The following PCDHA8 variants were observed in gnomAD, a reference collection of about 807,000 sequenced individuals.
PCDHA8 encodes protocadherin alpha 8.
PCDHA8 carries 53 observed loss-of-function variants against 61.8 expected under a neutral mutation model. The ratio of observed to expected loss-of-function variants is 0.86; its 90% CI spans 0.69 to 1.08. The LOEUF (loss-of-function observed/expected upper bound fraction) is 1.08, where lower values mean the gene tolerates loss of function less well. PCDHA8 is among the 50% of genes least tolerant of loss of function. The probability of loss-of-function intolerance (pLI) is 0.00; values close to 1 mark genes in which losing one functional copy is unlikely to be tolerated. For synonymous variants in PCDHA8, 618 were observed against 556.6 expected (o/e 1.11, Z -1.55); for missense variants, 1,293 against 1,245.0 (o/e 1.04, Z -0.58).
At chr5:140,962,841 A>G (rs1298725922) in intron 1 of PCDHA8, among the ~76,000 whole-genome samples, 3 of 152,210 alleles carry the variant, frequency 2.0e-5, no homozygotes, top group African/African-American at 7.2e-5. Flanking sequence ...TTTTTATTAT[A>G]TAACTTGTGC....
At chr5:140,880,045 G>A (rs1345443297) in intron 1 of PCDHA8, among the ~76,000 whole-genome samples, 2 of 152,164 alleles carry the variant, frequency 1.3e-5, no homozygotes, top group Admixed American at 6.5e-5. Flanking sequence ...GGATTAAGAT[G>A]TGGGCATAAC....
chr5:140,851,923 T>G, intron 1 of PCDHA8: 1 of 967,860 alleles, frequency 1.0e-6, no homozygotes, highest in Non-Finnish European at 1.2e-6. Flanking sequence ...CATGTTATGT[T>G]TCCTGAATTG....
At chr5:140,962,786 A>G (rs1377248587) in intron 1 of PCDHA8, among the ~76,000 whole-genome samples, 6 of 152,216 alleles carry the variant, frequency 3.9e-5, no homozygotes, top group African/African-American at 1.4e-4. Context: ...ATTTTTAAAA[A>G]CTACTTTGGA....
intron 3 of PCDHA8, among the ~76,000 whole-genome samples, chr5:140,985,739 CTT>C (rs11372071): frequency 4.2e-4 from 50 of 117,920 alleles, no homozygotes; most frequent in Middle Eastern, 4.8e-3. Context: ...TGATGAATTC[CTT>C]TTTTTTTTTT....
chr5:140,843,324 C>G lies in PCDHA8; in HGVS notation c.2003C>G (p.Ser668Trp), dbSNP rs1251515111. Residue 668 changes from serine to tryptophan, a missense_variant, in exon 1 of 4, where the codon TCG (serine) becomes TGG (tryptophan). Physicochemically the swap from Ser to Trp is radical, Grantham distance 177. Coordinates refer to ENST00000531613, the MANE Select transcript of PCDHA8 (RefSeq NM_018911.3). ...ALTATATVLV[S>W]LVESGQAPKA... ...ACCGCCACGGCCACGGTTCTGGTGT[C>G]GCTGGTGGAGAGCGGCCAGGCTCCA... is the stretch of plus-strand genomic sequence containing the variant. 5.6e-6 allele frequency: 9 copies of G among 1,595,896 alleles called. 3 individuals carry two copies. The highest frequency in any genetic ancestry group is 3.4e-5 in the Admixed American group (2 of 59,276).
intron 1 of PCDHA8, among the ~76,000 whole-genome samples, chr5:140,873,542 T>C (rs2054341425): frequency 6.6e-6 from 1 of 152,130 alleles, no homozygotes; most frequent in Non-Finnish European, 1.5e-5. Context: ...GGTATAAAAT[T>C]ATAATTTCAA....
intron 1 of PCDHA8, among the ~76,000 whole-genome samples, chr5:140,951,315 C>T (rs782114634): frequency 6.6e-6 from 1 of 151,988 alleles, no homozygotes. Context: ...ATGTGTTATT[C>T]TTGAGATTCA....
At chr5:140,983,807 G>GT (rs1418454252) in intron 3 of PCDHA8, among the ~76,000 whole-genome samples, 1 of 152,100 alleles carries the variant, frequency 6.6e-6, no homozygotes, top group East Asian at 1.9e-4. Flanking sequence ...TGTGTAAAAG[G>GT]TTTTTTCCCA....
intron 1 of PCDHA8, among the ~76,000 whole-genome samples, chr5:140,953,252 T>C (rs557973424): frequency 3.3e-5 from 5 of 152,318 alleles, no homozygotes; most frequent in Admixed American, 1.3e-4. Context: ...TTCAGTTTAG[T>C]TCTTTTAGCT....
At chr5:140,994,248 G>A (rs188394827) in intron 3 of PCDHA8, among the ~76,000 whole-genome samples, 1 of 152,238 alleles carries the variant, frequency 6.6e-6, no homozygotes, top group East Asian at 1.9e-4. Flanking sequence ...TCAAACCCTA[G>A]GTAAATAAGG....
rs782547925 is a variant in PCDHA8, at chr5:140,967,973, G to A, written c.2395-10976G>A. 4 of 1,614,170 alleles carry A rather than the reference G, an allele frequency of 2.5e-6. No individual in the cohort carries two copies. In the African/African-American group the frequency reaches 4.0e-5, roughly 16 times the overall value. On this transcript the variant is annotated intron_variant, in intron 1 of 3. Coordinates refer to ENST00000531613, the MANE Select transcript of PCDHA8 (RefSeq NM_018911.3). ...AGGCCCCAACCGGAAAGTGAGCCTG[G>A]GTCTGGAGGCCACACTGCCTTTCCG... is the stretch of plus-strand genomic sequence containing the variant.
chr5:140,871,130 A>T, intron 1 of PCDHA8: 1 of 1,613,360 alleles, frequency 6.2e-7, no homozygotes, highest in Non-Finnish European at 8.5e-7. Context: ...CAGGCGCCAA[A>T]GGCCTCTTCC....
intron 1 of PCDHA8, among the ~76,000 whole-genome samples, chr5:140,978,417 A>G (rs2096800848): frequency 6.6e-6 from 1 of 152,158 alleles, no homozygotes. Context: ...CAGAAAAGAG[A>G]CTGTTATCAG....
chr5:140,977,514 A>G (rs1554238605), intron 1 of PCDHA8, among the ~76,000 whole-genome samples: 13 of 152,216 alleles, frequency 8.5e-5, no homozygotes. Context: ...CATTTTGTGA[A>G]CTTGAAAACA....
chr5:140,938,485 T>C (rs2092087482), intron 1 of PCDHA8, among the ~76,000 whole-genome samples: 2 of 152,170 alleles, frequency 1.3e-5, no homozygotes, highest in African/African-American at 4.8e-5. Context: ...TTAAAAATCA[T>C]GAATAGGCAT....
intron 1 of PCDHA8, chr5:140,875,239 A>G (rs1008116554): frequency 1.1e-6 from 1 of 915,946 alleles, no homozygotes; most frequent in Non-Finnish European, 1.5e-6. Flanking sequence ...TCTTGTACTT[A>G]CATAATCAGT....
In PCDHA8 at chr5:140,856,289, G is replaced by A. The variant is rs138367057; in HGVS notation, c.2394+12574G>A. Reference sequence around the variant, plus strand: ...CCTTCTGGAGGTAAATCTGCAGAATGGCATTTTGTTTGTGAATTCTCGGAT... The same window carrying A: ...CCTTCTGGAGGTAAATCTGCAGAATAGCATTTTGTTTGTGAATTCTCGGAT... On this transcript the variant is annotated intron_variant, in intron 1 of 3. Coordinates refer to ENST00000531613, the MANE Select transcript of PCDHA8 (RefSeq NM_018911.3). The A allele has an allele frequency of 3.3e-4, 527 of 1,598,532 alleles. 21 individuals carry two copies. The African/African-American group carries it at 6.0e-3, about 18-fold the overall frequency.
intron 1 of PCDHA8, chr5:140,877,037 C>G: frequency 6.2e-7 from 1 of 1,612,492 alleles, no homozygotes; most frequent in Non-Finnish European, 8.5e-7. Flanking sequence ...GCGCTGCAGC[C>G]GCTAGACCAC....
intron 1 of PCDHA8, among the ~76,000 whole-genome samples, chr5:140,944,191 G>A (rs181232402): frequency 6.6e-6 from 1 of 151,980 alleles, no homozygotes. Flanking sequence ...GGTTTGTTTT[G>A]TTTTGTTTTG....
Sources: gnomAD v4.1 joint callset for allele counts (sites outside exome capture counted in the v4.1 genomes callset) on GRCh38, gnomAD v4.1.1 for gene constraint, MANE v1.5 for transcripts, NCBI Gene and HGNC (gene_info 2026-07-23, HGNC 2026-07-21) for gene names.